The following SPAG9 variants were observed in gnomAD, a reference collection of about 807,000 sequenced individuals.
SPAG9 encodes C-Jun-amino-terminal kinase-interacting protein 4.
SPAG9 carries 35 observed loss-of-function variants against 166.5 expected under a neutral mutation model. The observed-to-expected ratio is 0.21, with a 90% CI of 0.16 to 0.28. The LOEUF (loss-of-function observed/expected upper bound fraction) is 0.28. Ranked by LOEUF, SPAG9 falls within the 10% of genes least tolerant of loss-of-function variation. The probability of loss-of-function intolerance (pLI) is 1.00; values close to 1 mark genes in which losing one functional copy is unlikely to be tolerated. For missense variants in SPAG9, 1,235 were observed against 1,603.3 expected, an observed-to-expected ratio of 0.77 and a Z score of 3.92; for synonymous variants, 534 against 565.5, an observed-to-expected ratio of 0.94 and a Z score of 0.79.
chr17:50,968,307 C>T (rs994209202), intron 29 of SPAG9, among the ~76,000 whole-genome samples: 3 of 152,132 alleles, frequency 2.0e-5, no homozygotes, highest in African/African-American at 7.2e-5. Flanking sequence ...TATTCCTTTA[C>T]AGAATTCATA....
chr17:51,072,422 C>G (rs906460343), intron 2 of SPAG9, among the ~76,000 whole-genome samples: 1 of 150,312 alleles, frequency 6.7e-6, no homozygotes. Context: ...GTGGTTCATG[C>G]CTGTAATCCC....
chr17:50,995,723 T>A, intron 16 of SPAG9, 190 bp from the exon 17 acceptor site: 1 of 553,654 alleles, frequency 1.8e-6, no homozygotes, highest in Non-Finnish European at 3.2e-6. Context: ...GTGCAGTGGC[T>A]TGATCATGGC....
intron 21 of SPAG9, among the ~76,000 whole-genome samples, chr17:50,988,507 G>C (rs1481055566): frequency 6.6e-6 from 1 of 152,202 alleles, no homozygotes; most frequent in African/African-American, 2.4e-5. Context: ...AATGGGCCTA[G>C]ATTAACCAAC....
At position 51,056,452 on chromosome 17, in the gene SPAG9, A is replaced by T; in HGVS notation, c.455T>A (p.Leu152Gln). The T allele has an allele frequency of 6.2e-7, 1 of 1,609,394 alleles. No individual in the cohort carries two copies. The highest frequency in any genetic ancestry group is 8.5e-7 in the Non-Finnish European group (1 of 1,176,114). Residue 152 changes from leucine (L) to glutamine (Q), a missense_variant, in exon 3 of 30, where the codon CTG becomes CAG. Physicochemically the swap from Leu to Gln is moderately radical, Grantham distance 113. Coordinates refer to ENST00000262013, the MANE Select transcript of SPAG9 (RefSeq NM_001130528.3). ...ATGTAATGCATTATATTCCTTCTTC[A>T]GTTCTGCTTCTCTTTCTTCAAGTCT... is the stretch of plus-strand genomic sequence containing the variant. ...ISRLEEREAE[L>Q]KKEYNALHQR...
rs748514581 is a variant in SPAG9 at position 50,982,653 on chromosome 17, T to A, written c.3108A>T (p.Ser1036=). ...HRGVDGQWDL[S]NYHLLDLGRP... is the part of the protein sequence containing the mutation. ...GTCCAAGGTCTAAGAGGTGATAGTT[T>A]GACAAATCCCACTGCCCATCTTTAA... The change falls in exon 25 of 30, where the codon TCA becomes TCT. Residue 1036 remains serine (S), a synonymous_variant. Transcript: ENST00000262013. The A allele has an allele frequency of 2.5e-6, 4 of 1,609,894 alleles. No homozygotes were observed. Among genetic ancestry groups the A allele is most frequent in the Admixed American group, 1.7e-5 (1 of 58,656 alleles).
intron 7 of SPAG9, among the ~76,000 whole-genome samples, 182 bp downstream of exon 7, chr17:51,020,976 T>C (rs909547375): frequency 1.3e-5 from 2 of 152,194 alleles, no homozygotes; most frequent in African/African-American, 4.8e-5. Context: ...GGCACAGCTA[T>C]CATTTTTTTT....
In SPAG9 at chr17:50,964,958, G is replaced by A. The variant is rs1133792; in HGVS notation, c.*1314C>T. On this transcript the variant is annotated 3_prime_UTR_variant, in exon 30 of 30. Coordinates refer to ENST00000262013, the MANE Select transcript of SPAG9 (RefSeq NM_001130528.3). ...TTTTTTTTGGTAGAGACAGGGTTTC[G>A]CCATGTTGCCCAGGCTGGTCTTGAA... 216 of 182,576 alleles carry A rather than the reference G, an allele frequency of 1.2e-3. 1 individual carries two copies. The highest frequency in any genetic ancestry group is 4.6e-3 in the African/African-American group (192 of 41,390). 11.3% of individuals were successfully genotyped at this position (182,576 alleles called of 1,614,324 possible).
At chr17:50,979,537 A>G (rs1974441391) in intron 26 of SPAG9, among the ~76,000 whole-genome samples, 1 of 151,042 alleles carries the variant, frequency 6.6e-6, no homozygotes, top group Non-Finnish European at 1.5e-5. Flanking sequence ...GGCTGTGCCT[A>G]CCTACAGTCC....
In SPAG9 at chr17:50,965,201, T is replaced by C; in HGVS notation, c.*1071A>G. The C allele has an allele frequency of 6.6e-6, 1 of 152,228 alleles. No individual in the cohort carries two copies. The highest frequency in any genetic ancestry group is 1.9e-4 in the East Asian group (1 of 5,198). 9.4% of individuals were successfully genotyped at this position (152,228 alleles called of 1,614,324 possible). ...TTCAAGCTCAAAAGGGCACAAAAGC[T>C]AAAACGTTATTCACGTACAAAATAC... On this transcript the variant is annotated 3_prime_UTR_variant, in exon 30 of 30. Transcript: ENST00000262013.
rs1973247249 is a variant in SPAG9 at position 50,964,227 on chromosome 17, CCTT to C, written c.*2042_*2044del. The C allele has an allele frequency of 1.3e-5, 2 of 152,110 alleles. No individual in the cohort carries two copies. The highest frequency in any genetic ancestry group is 2.4e-5 in the African/African-American group (1 of 41,410). The allele number at this position is 152,110 out of a possible 1,614,324, so 9.4% of individuals were successfully genotyped here. ...TTTGCTTTCTTTTCTTTTCAGTAGTCCTTCTGATGATTGGGGGCCTTTATCCCA... is the reference window on the plus strand; with the variant it reads ...TTTGCTTTCTTTTCTTTTCAGTAGTCCTGATGATTGGGGGCCTTTATCCCA... On this transcript the variant is annotated 3_prime_UTR_variant, in exon 30 of 30. Coordinates refer to ENST00000262013, the MANE Select transcript of SPAG9 (RefSeq NM_001130528.3).
chr17:51,048,821 C>T (rs1367495126), intron 3 of SPAG9, among the ~76,000 whole-genome samples: 1 of 152,056 alleles, frequency 6.6e-6, no homozygotes, highest in Non-Finnish European at 1.5e-5. Flanking sequence ...CAAATGTTAT[C>T]CACAAAGAAT....
chr17:51,070,415 T>C (rs2047791925), intron 2 of SPAG9, among the ~76,000 whole-genome samples: 1 of 152,196 alleles, frequency 6.6e-6, no homozygotes, highest in Non-Finnish European at 1.5e-5. Flanking sequence ...GGCCAAACTA[T>C]TATATGCCAA....
chr17:50,982,395 C>T (rs1000612625), intron 25 of SPAG9, 129 bp downstream of exon 25: 1 of 758,532 alleles, frequency 1.3e-6, no homozygotes, highest in East Asian at 2.6e-5. Flanking sequence ...TATTCAAATA[C>T]ATTACTCAAG....
Position 50,974,917 on chromosome 17 carries a change from C to T in SPAG9, c.3554G>A (p.Arg1185His), listed in dbSNP as rs142387747. Residue 1185 changes from arginine to histidine, a missense_variant, in exon 28 of 30, where the codon CGT (arginine) becomes CAT (histidine). Arg to His is a conservative substitution (Grantham distance 29). Coordinates refer to ENST00000262013, the MANE Select transcript of SPAG9 (RefSeq NM_001130528.3). The part of the protein sequence containing the change: ...TNKTSGVPGN[R>H]PGSVIRVYGD... ...ATATACACGGATTACACTTCCAGGA[C>T]GATTTCCTGGTACACCTGAGGTTTT... 300 of 1,609,964 alleles carry T rather than the reference C, an allele frequency of 1.9e-4. No individual in the cohort carries two copies. Among genetic ancestry groups the T allele is most frequent in the Non-Finnish European group, 2.3e-4 (272 of 1,179,048 alleles).
chr17:51,024,215 G>A (rs2046063179), intron 6 of SPAG9, among the ~76,000 whole-genome samples: 2 of 151,964 alleles, frequency 1.3e-5, no homozygotes, highest in Non-Finnish European at 2.9e-5. Flanking sequence ...AGCTGAGATC[G>A]CACCACCGCA....
chr17:50,994,571 T>C (rs374834367), intron 18 of SPAG9, among the ~76,000 whole-genome samples: 8 of 152,100 alleles, frequency 5.3e-5, no homozygotes, highest in African/African-American at 1.9e-4. Flanking sequence ...GTCAACACAG[T>C]GAAACCCTCG....
At chr17:50,996,785 AAAC>A in intron 15 of SPAG9, 91 bp from the exon 16 acceptor site, 1 of 1,255,102 alleles carries the variant, frequency 8.0e-7, no homozygotes, top group East Asian at 2.4e-5. Flanking sequence ...AAAACAGCAA[AAAC>A]AACAAAAATT....
chr17:51,074,465 G>A (rs995889900), intron 2 of SPAG9, among the ~76,000 whole-genome samples: 3 of 152,138 alleles, frequency 2.0e-5, no homozygotes, highest in African/African-American at 4.8e-5. Context: ...TATCAACTTC[G>A]TGCATCTGAA....
chr17:51,063,357 A>G (rs980793625), intron 2 of SPAG9, among the ~76,000 whole-genome samples: 2 of 151,058 alleles, frequency 1.3e-5, no homozygotes, highest in Non-Finnish European at 2.9e-5. Context: ...GGTTGCAGTG[A>G]GCCAAGACTG....
Sources: gnomAD v4.1 joint callset for allele counts (sites outside exome capture counted in the v4.1 genomes callset) on GRCh38, gnomAD v4.1.1 for gene constraint, MANE v1.5 for transcripts, NCBI Gene and HGNC (gene_info 2026-07-23, HGNC 2026-07-21) for gene names.